KAZN: variants seen among roughly 807,000 people sequenced by gnomAD.
KAZN encodes the protein kazrin, periplakin interacting protein, also known as kazrin.
In KAZN, 40 loss-of-function variants were observed where a neutral mutation model predicts 87.4. That is an observed-to-expected ratio of 0.46 (90% CI 0.36 to 0.60). The LOEUF (loss-of-function observed/expected upper bound fraction) is 0.60. KAZN is among the 20% of genes least tolerant of loss of function. KAZN has a pLI of 0.00. For synonymous variants in KAZN, 466 were observed against 458.3 expected, an observed-to-expected ratio of 1.02 and a Z score of -0.22; for missense variants, 898 against 1,073.9, an observed-to-expected ratio of 0.84 and a Z score of 2.29.
chr1:14,252,235 T>C (rs1370461842), intron 2 of KAZN, among the ~76,000 whole-genome samples: 1 of 152,224 alleles, frequency 6.6e-6, no homozygotes, highest in Admixed American at 6.5e-5. Context: ...TCTGTTTTGG[T>C]CACAAAGATG....
rs535535127 is a variant in KAZN at position 14,270,125 on chromosome 1, A to G, written c.249+89533A>G. Among the ~76,000 whole-genome samples the G allele has an allele frequency of 1.2e-3, 178 of 152,266 alleles. 1 individual carries two copies. The highest frequency in any genetic ancestry group is 6.8e-3 in the Middle Eastern group (2 of 294). On this transcript the variant is annotated intron_variant, in intron 2 of 16. Transcript: ENST00000636203. The stretch of plus-strand genomic sequence containing the variant: ...ACCACACTGGGGGTCAGATTTCAAC[A>G]TGAGTTTTGGTAGAGACAAACCACA...
intron 1 of KAZN, among the ~76,000 whole-genome samples, chr1:14,686,096 G>T (rs1640935355): frequency 6.6e-6 from 1 of 152,168 alleles, no homozygotes; most frequent in Non-Finnish European, 1.5e-5. Flanking sequence ...TTGAGACAGA[G>T]TCTCTCTCTG....
At chr1:14,762,785 A>G (rs570567726) in intron 1 of KAZN, among the ~76,000 whole-genome samples, 1 of 152,086 alleles carries the variant, frequency 6.6e-6, no homozygotes, top group East Asian at 1.9e-4. Context: ...TCCACCCCAC[A>G]GGGGCCATGG....
chr1:15,085,064 A>G (rs1245700331), intron 8 of KAZN, among the ~76,000 whole-genome samples: 2 of 152,202 alleles, frequency 1.3e-5, no homozygotes, highest in African/African-American at 4.8e-5. Flanking sequence ...AATATAGCTG[A>G]TAACATTAAA....
intron 2 of KAZN, among the ~76,000 whole-genome samples, chr1:14,358,344 A>G (rs1193724965): frequency 7.7e-6 from 1 of 130,056 alleles, no homozygotes; most frequent in Non-Finnish European, 1.6e-5. Flanking sequence ...AGGTCTATCT[A>G]TTTTGTAAAT....
chr1:14,771,718 C>T (rs759640936), intron 1 of KAZN, among the ~76,000 whole-genome samples: 49 of 152,060 alleles, frequency 3.2e-4, no homozygotes, highest in Non-Finnish European at 6.9e-4. Flanking sequence ...CCTAGCTACT[C>T]GTGTGGCTGA....
intron 2 of KAZN, among the ~76,000 whole-genome samples, chr1:14,344,001 A>G (rs1279643958): frequency 6.6e-6 from 1 of 152,158 alleles, no homozygotes; most frequent in African/African-American, 2.4e-5. Flanking sequence ...TTCTCTTGCT[A>G]GGTGATAGAT....
rs935295363 is a variant in KAZN, at chr1:15,101,795, T to C, written c.1779+21T>C. On this transcript the variant is annotated intron_variant, in intron 11 of 14. Coordinates refer to ENST00000376030, the MANE Select transcript of KAZN (RefSeq NM_201628.3). ...GGGAGGTGAGGACCAGGGCACAGGG[T>C]GGGGGCACCTTCCACTGCCCACCCC... The C allele has an allele frequency of 2.0e-6, 3 of 1,524,126 alleles. No homozygotes were observed. In the African/African-American group the frequency reaches 4.1e-5, roughly 21 times the overall value. The allele number at this position is 1,524,126 out of a possible 1,614,324, so 94.4% of individuals were successfully genotyped here.
At chr1:14,479,957 C>T (rs1035325792) in intron 2 of KAZN, among the ~76,000 whole-genome samples, 1 of 152,200 alleles carries the variant, frequency 6.6e-6, no homozygotes, top group African/African-American at 2.4e-5. Context: ...GTGACAGCCC[C>T]GGCAATAAAC....
intron 1 of KAZN, among the ~76,000 whole-genome samples, chr1:14,664,605 C>T (rs1030174007): frequency 1.3e-5 from 2 of 151,974 alleles, no homozygotes; most frequent in Admixed American, 6.5e-5. Flanking sequence ...TCCAACCCTA[C>T]TCCAGATTTC....
Position 13,981,089 on chromosome 1 carries a change from T to TATATATATATATA in KAZN, c.91+87333_91+87334insATATATATATATA, listed in dbSNP as rs1553181094. 7.6e-4 allele frequency among the ~76,000 whole-genome samples: 48 copies of TATATATATATATA among 63,132 alleles called. 2 individuals carry two copies. Among genetic ancestry groups the TATATATATATATA allele is most frequent in the Non-Finnish European group, 1.2e-3 (37 of 29,602 alleles). 41.4% of individuals were successfully genotyped at this position (63,132 alleles called of 152,430 possible). A position where few individuals can be genotyped will look rare whatever the true frequency, so the allele number is the denominator to read the frequency against. ...TTGGAGAGGTATAAAAAATTACTCT[T>TATATATATATATA]TATATATATATATATATATATGTAT... On this transcript the variant is annotated intron_variant, in intron 1 of 16. Transcript: ENST00000636203.
Position 14,820,499 on chromosome 1 carries a change from G to A in KAZN, c.227-140185G>A, listed in dbSNP as rs771591588. Reference sequence around the variant, plus strand: ...TTTATTCTCACAGCTGCAAACCCACGTGCTGGGCTGCACAGCTGCCTGAAC... The same window carrying A: ...TTTATTCTCACAGCTGCAAACCCACATGCTGGGCTGCACAGCTGCCTGAAC... On this transcript the variant is annotated intron_variant, in intron 1 of 14. Transcript: ENST00000376030. The surrounding 1 kb of genome is among the most constrained non-coding windows in gnomAD (Gnocchi z 4.1). Among the ~76,000 whole-genome samples the A allele has an allele frequency of 6.6e-6, 1 of 152,224 alleles. No individual in the cohort carries two copies. The highest frequency in any genetic ancestry group is 1.5e-5 in the Non-Finnish European group (1 of 68,048).
At chr1:14,193,659 G>A (rs1163816919) in intron 2 of KAZN, among the ~76,000 whole-genome samples, 2 of 55,896 alleles carry the variant, frequency 3.6e-5, no homozygotes, top group African/African-American at 2.2e-4. Context: ...AAAGACTAAG[G>A]TGTTTTTTTT....
chr1:14,235,290 A>T (rs970985543), intron 2 of KAZN, among the ~76,000 whole-genome samples: 1 of 152,254 alleles, frequency 6.6e-6, no homozygotes. Context: ...TTATTCATCC[A>T]TAAAAAAGGA....
At chr1:15,045,617 CT>C (rs1356642870) in intron 4 of KAZN, among the ~76,000 whole-genome samples, 4 of 152,190 alleles carry the variant, frequency 2.6e-5, no homozygotes, top group Non-Finnish European at 5.9e-5. Context: ...CATTCCTACA[CT>C]GCTATAAAGA....
intron 2 of KAZN, among the ~76,000 whole-genome samples, chr1:14,528,138 T>C (rs1036563179): frequency 6.6e-6 from 1 of 151,546 alleles, no homozygotes; most frequent in Non-Finnish European, 1.5e-5. Flanking sequence ...TAGCAACTCA[T>C]GTCAGCCTGG....
chr1:14,065,645 C>T (rs1322980372), intron 1 of KAZN, among the ~76,000 whole-genome samples: 1 of 151,910 alleles, frequency 6.6e-6, no homozygotes, highest in Non-Finnish European at 1.5e-5. Flanking sequence ...TCCAATTACT[C>T]CAGCAGGTTC....
chr1:14,360,274 T>G (rs573646468), intron 2 of KAZN, among the ~76,000 whole-genome samples: 1 of 152,358 alleles, frequency 6.6e-6, no homozygotes, highest in East Asian at 1.9e-4. Flanking sequence ...ACTTGTGCTG[T>G]GTTTTTCAGC....
At chr1:13,981,469 T>C (rs1012957988) in intron 1 of KAZN, among the ~76,000 whole-genome samples, 1 of 152,036 alleles carries the variant, frequency 6.6e-6, no homozygotes, top group African/African-American at 2.4e-5. Context: ...CCAGATTCAA[T>C]GAGGGGAATA....
Sources: allele counts gnomAD v4.1 joint callset (sites outside exome capture counted in the v4.1 genomes callset), GRCh38; gene constraint gnomAD v4.1.1; non-coding constraint Gnocchi (gnomAD v3.1); transcripts MANE v1.5; gene names NCBI Gene and HGNC (gene_info 2026-07-23, HGNC 2026-07-21).